Variants in PBRM1 observed in about 807,000 individuals in gnomAD.
PBRM1 encodes polybromo 1.
Under a neutral mutation model 194.5 loss-of-function variants are expected in PBRM1, and 27 were observed. That is an observed-to-expected ratio of 0.14 (90% CI 0.10 to 0.19). The LOEUF (loss-of-function observed/expected upper bound fraction) is 0.19, where lower values mean the gene tolerates loss of function less well. Ranked by LOEUF, PBRM1 falls within the 10% of genes least tolerant of loss-of-function variation. The probability of loss-of-function intolerance (pLI) is 1.00; values close to 1 mark genes in which losing one functional copy is unlikely to be tolerated. For missense variants in PBRM1, 1,466 were observed against 2,077.2 expected, an observed-to-expected ratio of 0.71 and a Z score of 5.72; for synonymous variants, 655 against 693.2, an observed-to-expected ratio of 0.94 and a Z score of 0.87.
At chr3:52,586,895 A>T (rs1055868939) in intron 19 of PBRM1, among the ~76,000 whole-genome samples, 1 of 152,096 alleles carries the variant, frequency 6.6e-6, no homozygotes, top group Non-Finnish European at 1.5e-5. Flanking sequence ...TTATATACAC[A>T]CCCTTTAAAT....
chr3:52,579,377 A>G, intron 20 of PBRM1, 178 bp from the exon 23 acceptor site: 2 of 607,538 alleles, frequency 3.3e-6, no homozygotes, highest in Non-Finnish European at 5.8e-6. Context: ...CTTGAGCCCA[A>G]GAGTTTGAGA....
At chr3:52,569,381 T>C (rs1224234228) in intron 22 of PBRM1, among the ~76,000 whole-genome samples, 1 of 152,076 alleles carries the variant, frequency 6.6e-6, no homozygotes, top group African/African-American at 2.4e-5. Flanking sequence ...CGGCTAACTT[T>C]TTGTATTTTT....
At chr3:52,613,336 T>TG (rs2094753390) in intron 15 of PBRM1, among the ~76,000 whole-genome samples, 1 of 141,798 alleles carries the variant, frequency 7.1e-6, no homozygotes, top group South Asian at 2.1e-4. Flanking sequence ...TGGACTATTC[T>TG]GTTTTTTTTT....
chr3:52,570,344 T>C (rs2086659911), intron 22 of PBRM1, among the ~76,000 whole-genome samples: 2 of 152,198 alleles, frequency 1.3e-5, no homozygotes. Flanking sequence ...TAAACATGTA[T>C]ATGAAAAACA....
intron 17 of PBRM1, among the ~76,000 whole-genome samples, chr3:52,593,470 G>C (rs13085331): frequency 0.34 from 52,014 of 152,024 alleles, 9,911 homozygotes; most frequent in Admixed American, 0.46. Flanking sequence ...CTGCTAGCCT[G>C]AAGCAATCCA....
chr3:52,582,954 G>A (rs577165325), intron 20 of PBRM1, among the ~76,000 whole-genome samples: 2 of 151,230 alleles, frequency 1.3e-5, no homozygotes, highest in South Asian at 2.1e-4. Flanking sequence ...AAAATTAGAC[G>A]GGCGTGGTGG....
chr3:52,552,104 T>A (rs1477715729), intron 27 of PBRM1, among the ~76,000 whole-genome samples: 4 of 152,198 alleles, frequency 2.6e-5, no homozygotes, highest in African/African-American at 9.6e-5. Flanking sequence ...TCCTGATGAT[T>A]ATTCGTGAAT....
At position 52,663,691 on chromosome 3, in the gene PBRM1, T is replaced by C. The variant is rs368635179; in HGVS notation, c.385-1415A>G. Among the ~76,000 whole-genome samples, 40 of 152,298 alleles carry C rather than the reference T, an allele frequency of 2.6e-4. 1 individual carries two copies. In the East Asian group the frequency reaches 3.3e-3, roughly 12 times the overall value. On this transcript the variant is annotated intron_variant, in intron 3 of 29. Coordinates refer to ENST00000296302, the Ensembl canonical transcript of PBRM1. The stretch of plus-strand genomic sequence containing the variant: ...TGACAACAAATATATGTATTAGATA[T>C]TGGAATTCAAATAATTAGATTATCA...
At chr3:52,564,652 GA>G (rs71084190) in intron 22 of PBRM1, among the ~76,000 whole-genome samples, 60,394 of 135,030 alleles carry the variant, frequency 0.45, 12,461 homozygotes, top group Admixed American at 0.53. Context: ...CCTATCTCAA[GA>G]AAAAAAAAAA....
intron 6 of PBRM1, among the ~76,000 whole-genome samples, chr3:52,651,403 T>C (rs1348344147): frequency 1.3e-5 from 2 of 152,240 alleles, no homozygotes; most frequent in Admixed American, 6.5e-5. Context: ...GTGATTATTA[T>C]GCACTGTATG....
In PBRM1 at chr3:52,658,335, A is replaced by G; in HGVS notation, c.529-20T>C. ...AGAAGACTGGTAATGTGGAGAAAAA[A>G]GTACTTTCTAAGAGAAATAATAAAA... is the stretch of plus-strand genomic sequence containing the variant. On this transcript the variant is annotated intron_variant, in intron 4 of 29. Transcript: ENST00000296302. 1 of 1,315,194 alleles carries G rather than the reference A, an allele frequency of 7.6e-7. No individual in the cohort carries two copies. Among genetic ancestry groups the G allele is most frequent in the South Asian group, 1.2e-5 (1 of 84,256 alleles). The allele number at this position is 1,315,194 out of a possible 1,614,324, so 81.5% of individuals were successfully genotyped here. A position where few individuals can be genotyped will look rare whatever the true frequency, so the allele number is the denominator to read the frequency against.
chr3:52,658,168 A>G (rs560313064), intron 5 of PBRM1, 31 bp downstream of exon 6: 1 of 972,916 alleles, frequency 1.0e-6, no homozygotes, highest in South Asian at 1.3e-5. Context: ...CAAAACACTG[A>G]CATGTACCTG....
chr3:52,670,111 AAGCTAAGGGGACT>A (rs2096917430), intron 2 of PBRM1, among the ~76,000 whole-genome samples: 1 of 152,140 alleles, frequency 6.6e-6, no homozygotes, highest in Non-Finnish European at 1.5e-5. Context: ...GCAGTGTCTC[AAGCTAAGGGGACT>A]ATCTGTAGAC....
rs201570817 is a variant in PBRM1, at chr3:52,660,499, ATATC to A, written c.528+1630_528+1633del. 2.4e-3 allele frequency among the ~76,000 whole-genome samples: 371 copies of A among 151,994 alleles called. 2 individuals carry two copies. The highest frequency in any genetic ancestry group is 0.021 in the Middle Eastern group (6 of 292). Reference sequence around the variant, plus strand: ...ATATGTGTGTATATATATTTTGTGTATATCTATCTATCTATCTATCTATATTTTT... The same window carrying A: ...ATATGTGTGTATATATATTTTGTGTATATCTATCTATCTATCTATATTTTT... On this transcript the variant is annotated intron_variant, in intron 4 of 29. Transcript: ENST00000296302.
chr3:52,616,617 C>T (rs373068323), intron 14 of PBRM1, among the ~76,000 whole-genome samples: 6 of 152,202 alleles, frequency 3.9e-5, no homozygotes, highest in Middle Eastern at 3.4e-3. Context: ...GGCATGAACC[C>T]GGGAGGCGGA....
chr3:52,651,560 A>C (rs567273481), intron 6 of PBRM1, among the ~76,000 whole-genome samples, 182 bp downstream of exon 7: 4 of 152,344 alleles, frequency 2.6e-5, no homozygotes, highest in Admixed American at 1.3e-4. Context: ...AATGTGTTTT[A>C]ATTTTTGTCC....
At chr3:52,630,537 A>C (rs532129875) in intron 11 of PBRM1, among the ~76,000 whole-genome samples, 1 of 152,366 alleles carries the variant, frequency 6.6e-6, no homozygotes, top group Admixed American at 6.5e-5. Context: ...TCAACGCAGA[A>C]AGTTCTGTTG....
At chr3:52,548,179 A>C in exon 30 of PBRM1, 6 of 1,610,490 alleles carry the variant, frequency 3.7e-6, no homozygotes, top group Non-Finnish European at 5.1e-6. Context: ...CTTTTCAGCC[A>C]GTGAGAGGGT....
At chr3:52,572,358 C>G (rs2087679271) in intron 22 of PBRM1, among the ~76,000 whole-genome samples, 1 of 151,936 alleles carries the variant, frequency 6.6e-6, no homozygotes, top group South Asian at 2.1e-4. Context: ...CACATGTGGC[C>G]ATCTGATTAC....
Sources: gnomAD v4.1 joint callset for allele counts (sites outside exome capture counted in the v4.1 genomes callset) on GRCh38, gnomAD v4.1.1 for gene constraint, MANE v1.5 for transcripts, NCBI Gene and HGNC (gene_info 2026-07-23, HGNC 2026-07-21) for gene names.